The following RANBP2 variants were observed in gnomAD, a reference collection of about 807,000 sequenced individuals.
RANBP2 encodes the protein E3 SUMO-protein ligase RanBP2.
A neutral mutation model predicts 303.6 loss-of-function variants in RANBP2; 57 were observed. That is an observed-to-expected ratio of 0.19 (90% confidence interval 0.15 to 0.23). The LOEUF (loss-of-function observed/expected upper bound fraction) is 0.23, where lower values mean the gene tolerates loss of function less well. Among genes scored for constraint, RANBP2 ranks in the 10% least tolerant of loss-of-function variants. The pLI, the probability that RANBP2 is intolerant of heterozygous loss-of-function variation, is 1.00. For synonymous variants in RANBP2, 1,167 were observed against 1,301.5 expected (o/e 0.90, Z 2.23); for missense variants, 3,138 against 3,780.8 (o/e 0.83, Z 4.46).
chr2:108,966,807 T>C, the RANBP2 span, among the ~76,000 whole-genome samples: 1 of 152,214 alleles, frequency 6.6e-6, no homozygotes, highest in South Asian at 2.1e-4. Context: ...ATTGATTGCC[T>C]GGGGACCACT....
chr2:109,300,585 T>C, the RANBP2 span, among the ~76,000 whole-genome samples: 1 of 152,204 alleles, frequency 6.6e-6, no homozygotes, highest in East Asian at 1.9e-4. Flanking sequence ...GTTAGGGGTA[T>C]GATTGGCAAA....
intron 20 of RANBP2, among the ~76,000 whole-genome samples, chr2:108,770,785 T>C (rs1311132562): frequency 1.3e-5 from 2 of 152,222 alleles, no homozygotes; most frequent in African/African-American, 4.8e-5. Context: ...ATTAATGATA[T>C]TTTACATTAT....
the RANBP2 span, among the ~76,000 whole-genome samples, chr2:109,120,211 T>C: frequency 6.6e-6 from 1 of 152,168 alleles, no homozygotes; most frequent in African/African-American, 2.4e-5. Flanking sequence ...CCAACTCATT[T>C]GTAAGAGGAG....
the RANBP2 span, chr2:109,129,734 A>C: frequency 6.5e-7 from 1 of 1,538,886 alleles, no homozygotes; most frequent in South Asian, 1.2e-5. Flanking sequence ...GAGCGCCTGG[A>C]CACCACGGCC....
chr2:109,183,273 AG>A, the RANBP2 span, among the ~76,000 whole-genome samples: 6 of 151,468 alleles, frequency 4.0e-5, no homozygotes, highest in Admixed American at 1.3e-4. Context: ...AGTTAGTTTC[AG>A]GCTTGTGTAT....
the RANBP2 span, among the ~76,000 whole-genome samples, chr2:109,020,181 A>G: frequency 2.0e-5 from 3 of 152,242 alleles, no homozygotes; most frequent in Non-Finnish European, 4.4e-5. Context: ...GTGGAAACAT[A>G]TAAAACACCA....
chr2:109,159,022 C>T, the RANBP2 span, among the ~76,000 whole-genome samples: 1 of 152,186 alleles, frequency 6.6e-6, no homozygotes, highest in African/African-American at 2.4e-5. Context: ...GAGGCTGAGG[C>T]AGGAGAATTG....
chr2:109,585,669 G>A, the RANBP2 span: 47 of 1,202,776 alleles, frequency 3.9e-5, no homozygotes, highest in African/African-American at 5.7e-4. Flanking sequence ...AGAATGAAGT[G>A]AGCACAAGGA....
the RANBP2 span, among the ~76,000 whole-genome samples, chr2:108,990,764 A>G: frequency 6.6e-6 from 1 of 152,248 alleles, no homozygotes; most frequent in Non-Finnish European, 1.5e-5. Context: ...TAAGCTCCCA[A>G]ACAAGAATTT....
the RANBP2 span, among the ~76,000 whole-genome samples, chr2:109,656,336 GT>G: frequency 4.0e-5 from 6 of 150,462 alleles, no homozygotes; most frequent in Admixed American, 6.6e-5. Flanking sequence ...AAATTCTGGG[GT>G]TTTTTTGTTT....
the RANBP2 span, among the ~76,000 whole-genome samples, chr2:109,211,009 T>A: frequency 1.3e-5 from 2 of 152,220 alleles, no homozygotes; most frequent in African/African-American, 4.8e-5. Flanking sequence ...TCCTTCTTCC[T>A]CCTGGCACAC....
the RANBP2 span, among the ~76,000 whole-genome samples, chr2:109,302,739 C>G: frequency 1.5e-5 from 2 of 135,204 alleles, no homozygotes. Context: ...CTATGTTCTT[C>G]CTGTTTTCAG....
At chr2:109,588,109 CA>C in the RANBP2 span, among the ~76,000 whole-genome samples, 41 of 142,672 alleles carry the variant, frequency 2.9e-4, no homozygotes, top group Admixed American at 2.1e-4. Context: ...TGCCCCCCGC[CA>C]AAAAAAAAAG....
rs1205488394 is a variant in RANBP2 at position 108,782,679 on chromosome 2, C to T, written c.9186C>T (p.Thr3062=). Residue 3062 remains threonine, a synonymous_variant, in exon 28 of 29, where the codon ACC becomes ACT. Transcript: ENST00000283195. The part of the protein sequence containing the change: ...VSLAAELSKE[T]NPVVFFDVCA... ...TGGCAGCAGAATTATCAAAGGAGAC[C>T]AATCCTGTGGTGTTTTTTGATGTTT... The T allele has an allele frequency of 1.9e-6, 3 of 1,614,020 alleles. No homozygotes were observed. The highest frequency in any genetic ancestry group is 2.2e-5 in the South Asian group (2 of 91,082).
At chr2:109,266,707 C>T in the RANBP2 span, among the ~76,000 whole-genome samples, 4 of 152,268 alleles carry the variant, frequency 2.6e-5, no homozygotes, top group Admixed American at 1.3e-4. Flanking sequence ...GCTTCTAAGC[C>T]GTAGTCAGTG....
the RANBP2 span, among the ~76,000 whole-genome samples, chr2:108,985,300 T>C: frequency 6.6e-6 from 1 of 152,140 alleles, no homozygotes; most frequent in Non-Finnish European, 1.5e-5. Context: ...GTGACTGTGG[T>C]TGTTATTGCC....
the RANBP2 span, among the ~76,000 whole-genome samples, chr2:109,364,964 G>A: frequency 2.0e-5 from 3 of 152,096 alleles, no homozygotes; most frequent in South Asian, 4.1e-4. Flanking sequence ...AGTGGCACAC[G>A]CTTGTAATCC....
At chr2:109,541,769 C>A in the RANBP2 span, among the ~76,000 whole-genome samples, 1 of 152,176 alleles carries the variant, frequency 6.6e-6, no homozygotes, top group Non-Finnish European at 1.5e-5. Flanking sequence ...CTTCTTTGGA[C>A]GGCTCCTTGT....
chr2:109,423,305 C>G, the RANBP2 span, among the ~76,000 whole-genome samples: 1 of 152,170 alleles, frequency 6.6e-6, no homozygotes, highest in Non-Finnish European at 1.5e-5. Flanking sequence ...GTGGTTGACA[C>G]TGGTCATGTG....
Sources: allele counts gnomAD v4.1 joint callset (sites outside exome capture counted in the v4.1 genomes callset), GRCh38; gene constraint gnomAD v4.1.1; transcripts MANE v1.5; gene names NCBI Gene and HGNC (gene_info 2026-07-23, HGNC 2026-07-21).